Variants in AKIRIN2 observed in about 807,000 individuals in gnomAD.
AKIRIN2 encodes the protein akirin 2, also known as akirin-2.
In AKIRIN2, 6 loss-of-function variants were observed where a neutral mutation model predicts 29.3. The ratio of observed to expected loss-of-function variants is 0.20; its 90% CI spans 0.11 to 0.40. The LOEUF is 0.40. Ranked by LOEUF, AKIRIN2 falls within the 10% of genes least tolerant of loss-of-function variation. The probability of loss-of-function intolerance (pLI) is 1.00; values close to 1 mark genes in which losing one functional copy is unlikely to be tolerated. For missense variants in AKIRIN2, 210 were observed against 276.1 expected, an observed-to-expected ratio of 0.76 and a Z score of 1.70; for synonymous variants, 128 against 117.5, an observed-to-expected ratio of 1.09 and a Z score of -0.58.
intron 1 of AKIRIN2, among the ~76,000 whole-genome samples, chr6:87,690,861 T>A (rs1166841148): frequency 6.6e-6 from 1 of 151,940 alleles, no homozygotes; most frequent in Non-Finnish European, 1.5e-5. Flanking sequence ...TAATCCCAGC[T>A]ACTAGGGAAG....
chr6:87,679,306 G>A (rs1002689855), intron 2 of AKIRIN2, among the ~76,000 whole-genome samples: 1 of 152,096 alleles, frequency 6.6e-6, no homozygotes, highest in South Asian at 2.1e-4. Flanking sequence ...GCCGAAGCAG[G>A]TGGAACCCTT....
chr6:87,684,745 T>C (rs930340333), intron 1 of AKIRIN2, among the ~76,000 whole-genome samples: 2 of 152,206 alleles, frequency 1.3e-5, no homozygotes, highest in Admixed American at 6.5e-5. Context: ...CATATGTATG[T>C]ATATATACAC....
At chr6:87,699,375 T>C (rs1331639566) in intron 1 of AKIRIN2, among the ~76,000 whole-genome samples, 2 of 152,220 alleles carry the variant, frequency 1.3e-5, no homozygotes, top group African/African-American at 2.4e-5. Context: ...GTTTAAAAAA[T>C]GTAATTTTAG....
chr6:87,677,727 C>T, intron 3 of AKIRIN2, 91 bp downstream of exon 3: 2 of 1,420,464 alleles, frequency 1.4e-6, no homozygotes, highest in East Asian at 4.6e-5. Context: ...ATATACCGCA[C>T]CAGTGTATAG....
chr6:87,681,753 C>T lies in AKIRIN2; in HGVS notation c.246G>A (p.Leu82=), dbSNP rs758783280. 174 of 1,582,488 alleles carry T rather than the reference C, an allele frequency of 1.1e-4. No individual in the cohort carries two copies. Among genetic ancestry groups the T allele is most frequent in the Non-Finnish European group, 1.4e-4 (167 of 1,169,312 alleles). Residue 82 remains leucine, a synonymous_variant, in exon 2 of 5, where the codon CTG becomes CTA. Transcript: ENST00000257787. ...GTTTATACTCTTGTTTTATGTTGTA[C>T]AGAATTTGTTCTAAAATAAAAAAGT... The part of the protein sequence containing the change: ...VSSRLTTEQI[L]YNIKQEYKRM...
rs201210849 is a variant in AKIRIN2 at position 87,675,055 on chromosome 6, CA to C, written c.*541del. 23,462 of 132,068 alleles carry C rather than the reference CA, an allele frequency of 0.18. 2,351 individuals carry two copies. The highest frequency in any genetic ancestry group is 0.31 in the African/African-American group (11,511 of 37,138). 8.2% of individuals were successfully genotyped at this position (132,068 alleles called of 1,614,324 possible). On this transcript the variant is annotated 3_prime_UTR_variant, in exon 5 of 5. Transcript: ENST00000257787. Reference sequence around the variant, plus strand: ...AAGACTGATAGAATAAATAAAACTACAAAAAAAAAAAAAATCATACAAACCC... The same window carrying C: ...AAGACTGATAGAATAAATAAAACTACAAAAAAAAAAAAATCATACAAACCC...
intron 1 of AKIRIN2, among the ~76,000 whole-genome samples, chr6:87,689,464 T>C (rs773491735): frequency 6.6e-6 from 1 of 151,846 alleles, no homozygotes; most frequent in East Asian, 1.9e-4. Context: ...GGCAACAGAG[T>C]GAGACTCGGT....
In AKIRIN2 at chr6:87,675,606, A is replaced by G; in HGVS notation, c.603T>C (p.Tyr201=). The change falls in exon 5 of 5, where the codon TAT becomes TAC. Residue 201 remains tyrosine, a splice_region_variant and synonymous_variant. Coordinates refer to ENST00000257787, the MANE Select transcript of AKIRIN2 (RefSeq NM_018064.4). The part of the protein sequence containing the change: ...MRRYGEQPAS[Y]VS Reference sequence around the variant, plus strand: ...ATGCAGGATACGTGATTCATGAAACATCTAAAGGGTGAGAAAAAGAAAATT... The same window carrying G: ...ATGCAGGATACGTGATTCATGAAACGTCTAAAGGGTGAGAAAAAGAAAATT... 1.2e-6 allele frequency: 2 copies of G among 1,614,100 alleles called. No homozygotes were observed. The highest frequency in any genetic ancestry group is 2.2e-5 in the East Asian group (1 of 44,888).
At chr6:87,693,502 G>T (rs1463123771) in intron 1 of AKIRIN2, among the ~76,000 whole-genome samples, 1 of 152,102 alleles carries the variant, frequency 6.6e-6, no homozygotes, top group East Asian at 1.9e-4. Flanking sequence ...GGCCCAGACG[G>T]GCGGATCACG....
In AKIRIN2 at chr6:87,680,154, T is replaced by C. The variant is rs1771094196; in HGVS notation, c.379+1466A>G. On this transcript the variant is annotated intron_variant, in intron 2 of 4. Transcript: ENST00000257787. Reference sequence around the variant, plus strand: ...ATCTTGGTTTCCTGCTAATACAGTCTAGTGCCCAACCCTCACCTCTATGTT... The same window carrying C: ...ATCTTGGTTTCCTGCTAATACAGTCCAGTGCCCAACCCTCACCTCTATGTT... Among the ~76,000 whole-genome samples, 3 of 152,214 alleles carry C rather than the reference T, an allele frequency of 2.0e-5. No homozygotes were observed. In the South Asian group the frequency reaches 6.2e-4, roughly 31 times the overall value.
At chr6:87,676,424 CCACTG>C (rs1474381844) in intron 3 of AKIRIN2, among the ~76,000 whole-genome samples, 23 of 127,426 alleles carry the variant, frequency 1.8e-4, no homozygotes, top group African/African-American at 7.2e-4. Flanking sequence ...CAAGAACGCG[CCACTG>C]CACTCCAGCC....
At chr6:87,700,685 T>A (rs1259913136) in intron 1 of AKIRIN2, 1 of 152,576 alleles carries the variant, frequency 6.6e-6, no homozygotes, top group Non-Finnish European at 1.5e-5. Flanking sequence ...CCCAGCATAC[T>A]TTGTTGGGCA....
chr6:87,676,596 A>ACAC (rs1770998077), intron 3 of AKIRIN2, among the ~76,000 whole-genome samples: 2 of 142,146 alleles, frequency 1.4e-5, no homozygotes, highest in East Asian at 4.2e-4. Context: ...CTCTACTAAA[A>ACAC]ACACACACAC....
At chr6:87,692,854 A>ACTTTCT (rs1433362099) in intron 1 of AKIRIN2, among the ~76,000 whole-genome samples, 2 of 151,622 alleles carry the variant, frequency 1.3e-5, no homozygotes, top group Non-Finnish European at 2.9e-5. Flanking sequence ...ATTTTTAGAA[A>ACTTTCT]ACAGGAGTTA....
chr6:87,699,824 T>TA (rs778836242), intron 1 of AKIRIN2, among the ~76,000 whole-genome samples: 6 of 152,226 alleles, frequency 3.9e-5, no homozygotes, highest in Non-Finnish European at 5.9e-5. Context: ...GACATTGAGA[T>TA]ATAGTACTTT....
intron 1 of AKIRIN2, among the ~76,000 whole-genome samples, chr6:87,701,029 A>G (rs1454518961): frequency 2.0e-5 from 3 of 149,550 alleles, no homozygotes; most frequent in Non-Finnish European, 4.4e-5. Context: ...CAGAGTTAAT[A>G]GCTGCAACCA....
intron 2 of AKIRIN2, among the ~76,000 whole-genome samples, chr6:87,681,358 T>A (rs1308784657): frequency 2.0e-5 from 3 of 152,186 alleles, no homozygotes; most frequent in African/African-American, 4.8e-5. Flanking sequence ...TAATTTTTTT[T>A]AATAAAGGCT....
At position 87,675,404 on chromosome 6, in the gene AKIRIN2, A is replaced by C; in HGVS notation, c.*193T>G. 3.0e-6 allele frequency: 2 copies of C among 660,586 alleles called. No individual in the cohort carries two copies. Among genetic ancestry groups the C allele is most frequent in the South Asian group, 2.0e-5 (1 of 50,890 alleles). The allele number at this position is 660,586 out of a possible 1,614,324, so 40.9% of individuals were successfully genotyped here. A position where few individuals can be genotyped will look rare whatever the true frequency, so the allele number is the denominator to read the frequency against. On this transcript the variant is annotated 3_prime_UTR_variant, in exon 5 of 5. Transcript: ENST00000257787. The stretch of plus-strand genomic sequence containing the variant: ...GTATTAATACAGGTAGCAAAGGTCC[A>C]CATCCAGGTGGTACTGACATCAGGG...
At chr6:87,692,262 G>C (rs779582545) in intron 1 of AKIRIN2, among the ~76,000 whole-genome samples, 39 of 152,290 alleles carry the variant, frequency 2.6e-4, no homozygotes, top group Middle Eastern at 3.4e-3. Context: ...TTGCCTTCTT[G>C]AGACCATTTC....
Sources: gnomAD v4.1 joint callset for allele counts (sites outside exome capture counted in the v4.1 genomes callset) on GRCh38, gnomAD v4.1.1 for gene constraint, MANE v1.5 for transcripts, NCBI Gene and HGNC (gene_info 2026-07-23, HGNC 2026-07-21) for gene names.